KCNH8: variants seen among roughly 807,000 people sequenced by gnomAD.
KCNH8 encodes the protein potassium voltage-gated channel subfamily H member 8.
In KCNH8, 70 loss-of-function variants were observed where a neutral mutation model predicts 103.6. That is an observed-to-expected ratio of 0.68 (90% CI 0.56 to 0.82). KCNH8 has a LOEUF of 0.82. Among genes scored for constraint, KCNH8 ranks in the 40% least tolerant of loss-of-function variants. The pLI is 0.00. For synonymous variants in KCNH8, 498 were observed against 489.4 expected, an observed-to-expected ratio of 1.02 and a Z score of -0.23; for missense variants, 1,217 against 1,329.9, an observed-to-expected ratio of 0.92 and a Z score of 1.32.
chr3:19,501,783 A>G (rs1003484231), intron 11 of KCNH8, among the ~76,000 whole-genome samples: 9 of 152,170 alleles, frequency 5.9e-5, no homozygotes, highest in Admixed American at 2.0e-4. Context: ...TCTCAAAATA[A>G]TAAGAGCTAT....
At chr3:19,405,753 C>T (rs1460730457) in intron 7 of KCNH8, among the ~76,000 whole-genome samples, 1 of 151,828 alleles carries the variant, frequency 6.6e-6, no homozygotes, top group African/African-American at 2.4e-5. Flanking sequence ...ATTAATTAGC[C>T]GTTTGACCTA....
intron 11 of KCNH8, among the ~76,000 whole-genome samples, chr3:19,471,642 G>A (rs541488837): frequency 3.9e-5 from 6 of 152,174 alleles, no homozygotes; most frequent in Non-Finnish European, 7.4e-5. Context: ...TTATGCTCTA[G>A]ATAAGGAGAC....
At chr3:19,261,265 T>C (rs550718042) in intron 2 of KCNH8, among the ~76,000 whole-genome samples, 1 of 151,852 alleles carries the variant, frequency 6.6e-6, no homozygotes, top group Admixed American at 6.6e-5. Flanking sequence ...ACACTTGTTA[T>C]CTCATGTCTT....
intron 1 of KCNH8, among the ~76,000 whole-genome samples, chr3:19,177,261 A>G (rs1019967944): frequency 6.6e-5 from 10 of 152,130 alleles, no homozygotes; most frequent in Non-Finnish European, 7.4e-5. Context: ...GGAATGTGTC[A>G]GGTAATTCAA....
chr3:19,159,466 C>G (rs76614133), intron 1 of KCNH8, among the ~76,000 whole-genome samples: 1 of 151,796 alleles, frequency 6.6e-6, no homozygotes, highest in African/African-American at 2.4e-5. Flanking sequence ...ATATTTGTGC[C>G]GATTACAAGG....
At chr3:19,253,548 C>G in intron 1 of KCNH8, 106 bp from the exon 2 acceptor site, 1 of 892,272 alleles carries the variant, frequency 1.1e-6, no homozygotes, top group South Asian at 1.5e-5. Flanking sequence ...CAGAATGTGC[C>G]TTTTGGCAGC....
Position 19,451,322 on chromosome 3 carries a change from A to G in KCNH8, c.1743A>G (p.Gln581=). The G allele has an allele frequency of 6.2e-7, 1 of 1,613,884 alleles. No individual in the cohort carries two copies. Among genetic ancestry groups the G allele is most frequent in the Non-Finnish European group, 8.5e-7 (1 of 1,179,864 alleles). ...CTCCGGGGGAGTATCTGCTGCGTCA[A>G]GGGGATGCTTTGCAGGCCATCTACT... ...FCAPGEYLLR[Q]GDALQAIYFV... The change falls in exon 10 of 16, where the codon CAA becomes CAG. Residue 581 remains glutamine (Q), a synonymous_variant. Coordinates refer to ENST00000328405, the MANE Select transcript of KCNH8 (RefSeq NM_144633.3).
intron 11 of KCNH8, among the ~76,000 whole-genome samples, chr3:19,499,489 C>T (rs948285149): frequency 1.3e-5 from 2 of 152,240 alleles, no homozygotes; most frequent in Non-Finnish European, 2.9e-5. Flanking sequence ...ACATAATTGT[C>T]AGATTCACCA....
At chr3:19,496,343 CTCT>C (rs1201459826) in intron 11 of KCNH8, among the ~76,000 whole-genome samples, 11 of 152,062 alleles carry the variant, frequency 7.2e-5, no homozygotes, top group African/African-American at 2.7e-4. Context: ...TTATAGATGG[CTCT>C]TATTATTTTA....
At position 19,424,862 on chromosome 3, in the gene KCNH8, A is replaced by G. The variant is rs187905929; in HGVS notation, c.1178-13302A>G. On this transcript the variant is annotated intron_variant, in intron 7 of 15. Transcript: ENST00000328405. ...AAAAAAGTCTCTTAAAATTATTTCTAAAATTTTAAATGTGCATTAATTTTT... is the reference window on the plus strand; with the variant it reads ...AAAAAAGTCTCTTAAAATTATTTCTGAAATTTTAAATGTGCATTAATTTTT... Among the ~76,000 whole-genome samples the G allele has an allele frequency of 2.7e-3, 414 of 152,292 alleles. 6 individuals carry two copies. Among genetic ancestry groups the G allele is most frequent in the African/African-American group, 9.5e-3 (393 of 41,574 alleles).
At chr3:19,371,503 GA>G (rs1469994760) in intron 5 of KCNH8, among the ~76,000 whole-genome samples, 1 of 148,494 alleles carries the variant, frequency 6.7e-6, no homozygotes, top group African/African-American at 2.5e-5. Context: ...GTAGATTCTG[GA>G]TATTAGCCCT....
chr3:19,408,956 A>G (rs760364597), intron 7 of KCNH8, among the ~76,000 whole-genome samples: 41 of 152,302 alleles, frequency 2.7e-4, no homozygotes, highest in African/African-American at 9.9e-4. Context: ...TGAGGTAATC[A>G]TTCAAGAAAA....
intron 7 of KCNH8, among the ~76,000 whole-genome samples, chr3:19,406,536 A>C (rs1383974778): frequency 1.3e-5 from 2 of 152,210 alleles, no homozygotes; most frequent in East Asian, 3.9e-4. Flanking sequence ...TAGTATTTTA[A>C]GACTTCTGTC....
At chr3:19,460,943 A>G (rs1575092117) in intron 11 of KCNH8, among the ~76,000 whole-genome samples, 1 of 152,106 alleles carries the variant, frequency 6.6e-6, no homozygotes, top group African/African-American at 2.4e-5. Flanking sequence ...CCCTTCTGCC[A>G]TGATTGTAAG....
At chr3:19,308,717 T>C (rs1426770607) in intron 3 of KCNH8, among the ~76,000 whole-genome samples, 19 of 37,260 alleles carry the variant, frequency 5.1e-4, no homozygotes, top group East Asian at 7.3e-4. Flanking sequence ...TCTCTCTCTC[T>C]CCCCCTCTCT....
chr3:19,285,893 G>A (rs76976937), intron 3 of KCNH8, among the ~76,000 whole-genome samples: 17,698 of 152,118 alleles, frequency 0.12, 3,227 homozygotes, highest in African/African-American at 0.39. Context: ...AGACAAGGAA[G>A]CAAGATAGAG....
At chr3:19,459,876 AT>A (rs1390420349) in intron 11 of KCNH8, among the ~76,000 whole-genome samples, 1 of 152,024 alleles carries the variant, frequency 6.6e-6, no homozygotes, top group Non-Finnish European at 1.5e-5. Context: ...TAGAACATTA[AT>A]TATAGTAATT....
rs770003057 is a variant in KCNH8 at position 19,438,164 on chromosome 3, G to T, written c.1178G>T (p.Gly393Val). Residue 393 changes from glycine (G) to valine (V), a missense_variant and splice_region_variant, in exon 8 of 16, where the codon GGT (glycine) becomes GTT (valine). Gly to Val is a moderately radical substitution (Grantham distance 109, BLOSUM62 -3). Transcript: ENST00000328405. Reference protein sequence around the residue: ...EDNSLLKWEVGWLHELGKRLE... With the variant: ...EDNSLLKWEVVWLHELGKRLE... ...ATTTGCTTTATTTCCTCCTTTGCAG[G>T]TTGGCTTCATGAGTTGGGAAAGAGA... 6.2e-7 allele frequency: 1 copy of T among 1,613,102 alleles called. No individual in the cohort carries two copies. The highest frequency in any genetic ancestry group is 8.5e-7 in the Non-Finnish European group (1 of 1,179,498).
intron 7 of KCNH8, among the ~76,000 whole-genome samples, chr3:19,415,789 A>T (rs544725169): frequency 6.6e-6 from 1 of 152,210 alleles, no homozygotes; most frequent in South Asian, 2.1e-4. Context: ...TCTTGTCTGA[A>T]GTAGTTGTGC....
Sources: allele counts gnomAD v4.1 joint callset (sites outside exome capture counted in the v4.1 genomes callset), GRCh38; gene constraint gnomAD v4.1.1; transcripts MANE v1.5; gene names NCBI Gene and HGNC (gene_info 2026-07-23, HGNC 2026-07-21).